The following CDK14 variants were observed in gnomAD, a reference collection of about 807,000 sequenced individuals.
CDK14 encodes the protein cyclin-dependent kinase 14.
Under a neutral mutation model 60.7 loss-of-function variants are expected in CDK14, and 34 were observed. That is an observed-to-expected ratio of 0.56 (90% CI 0.43 to 0.75). The LOEUF (loss-of-function observed/expected upper bound fraction) is 0.75. CDK14 is among the 30% of genes least tolerant of loss of function. CDK14 has a pLI of 0.00. For missense variants in CDK14, 482 were observed against 564.1 expected, an observed-to-expected ratio of 0.85 and a Z score of 1.47; for synonymous variants, 197 against 203.7, an observed-to-expected ratio of 0.97 and a Z score of 0.28.
chr7:90,798,942 C>T (rs1179524699), intron 5 of CDK14, among the ~76,000 whole-genome samples: 1 of 152,170 alleles, frequency 6.6e-6, no homozygotes, highest in Non-Finnish European at 1.5e-5. Context: ...CTGGGAGATA[C>T]AGGAGAGGTT....
At chr7:91,039,132 T>C (rs549100415) in intron 10 of CDK14, among the ~76,000 whole-genome samples, 2 of 152,278 alleles carry the variant, frequency 1.3e-5, no homozygotes, top group South Asian at 4.1e-4. Flanking sequence ...CCCAGTCACT[T>C]TTGAAGTCTC....
chr7:91,139,819 C>A (rs940891765), intron 14 of CDK14, among the ~76,000 whole-genome samples: 5 of 85,388 alleles, frequency 5.9e-5, no homozygotes, highest in African/African-American at 1.7e-4. Context: ...TCTTTCTTTT[C>A]TTTTCTTTCT....
intron 11 of CDK14, among the ~76,000 whole-genome samples, chr7:91,047,284 T>A (rs1468962425): frequency 6.6e-6 from 1 of 152,178 alleles, no homozygotes; most frequent in Non-Finnish European, 1.5e-5. Flanking sequence ...TAAAGTTAGA[T>A]GCAAAAAGGA....
intron 6 of CDK14, among the ~76,000 whole-genome samples, chr7:90,877,891 A>G (rs190019443): frequency 3.3e-5 from 5 of 152,270 alleles, no homozygotes; most frequent in Non-Finnish European, 7.3e-5. Context: ...AAAGGGCAAC[A>G]TGATCATTCT....
At position 90,916,530 on chromosome 7, in the gene CDK14, G is replaced by C. The variant is rs749573165; in HGVS notation, c.703-1071G>C. On this transcript the variant is annotated intron_variant, in intron 7 of 14. Coordinates refer to ENST00000380050, the MANE Select transcript of CDK14 (RefSeq NM_001287135.2). ...GTCAGAACATTCCAGAGATGCCACT[G>C]TCCAGGGCCCTCAGGAAGTTGCCAA... 2.6e-5 allele frequency among the ~76,000 whole-genome samples: 4 copies of C among 152,144 alleles called. 1 individual carries two copies. The highest frequency in any genetic ancestry group is 4.4e-5 in the Non-Finnish European group (3 of 68,024).
intron 9 of CDK14, among the ~76,000 whole-genome samples, chr7:90,961,513 A>G (rs1303773423): frequency 6.6e-6 from 1 of 152,244 alleles, no homozygotes; most frequent in Non-Finnish European, 1.5e-5. Flanking sequence ...AAAGGATAGT[A>G]AGAATGAGAA....
intron 14 of CDK14, among the ~76,000 whole-genome samples, chr7:91,173,048 CCTTT>C (rs1232981749): frequency 2.6e-5 from 4 of 152,148 alleles, no homozygotes; most frequent in Middle Eastern, 3.2e-3. Context: ...TTTCTAATGG[CCTTT>C]CTTCTCCTTT....
chr7:90,982,312 G>A (rs1193968616), intron 9 of CDK14, among the ~76,000 whole-genome samples: 1 of 152,168 alleles, frequency 6.6e-6, no homozygotes, highest in Non-Finnish European at 1.5e-5. Context: ...AGAGTAAATA[G>A]GCGAAGAAGG....
intron 2 of CDK14, among the ~76,000 whole-genome samples, chr7:90,686,809 A>T (rs1388463287): frequency 6.6e-6 from 1 of 152,166 alleles, no homozygotes; most frequent in African/African-American, 2.4e-5. Flanking sequence ...GGGAGAATCA[A>T]TGGAACTTTT....
chr7:90,632,631 G>A (rs976362002), intron 2 of CDK14: 1 of 152,508 alleles, frequency 6.6e-6, no homozygotes, highest in Admixed American at 6.5e-5. Flanking sequence ...TTTTGACACC[G>A]AACCTTTTAG....
chr7:90,602,276 C>T (rs1799332959), intron 1 of CDK14, among the ~76,000 whole-genome samples: 1 of 152,146 alleles, frequency 6.6e-6, no homozygotes, highest in Non-Finnish European at 1.5e-5. Context: ...CCACATAGTG[C>T]GCGTGTTCCA....
At position 90,742,335 on chromosome 7, in the gene CDK14, G is replaced by A. The variant is rs141063971; in HGVS notation, c.370-5346G>A. Among the ~76,000 whole-genome samples, 200 of 152,040 alleles carry A rather than the reference G, an allele frequency of 1.3e-3. 1 individual carries two copies. Among genetic ancestry groups the A allele is most frequent in the African/African-American group, 4.6e-3 (190 of 41,540 alleles). ...GTAATTAATTTTTTCTAGAAAGTAT[G>A]TACTAAATTTTGAATATTTTGGTAT... On this transcript the variant is annotated intron_variant, in intron 3 of 14. Coordinates refer to ENST00000380050, the MANE Select transcript of CDK14 (RefSeq NM_001287135.2).
chr7:91,067,707 G>A (rs2116160235), intron 11 of CDK14, among the ~76,000 whole-genome samples: 1 of 152,266 alleles, frequency 6.6e-6, no homozygotes, highest in Admixed American at 6.5e-5. Context: ...GCCTCACATG[G>A]CATGTTTCAC....
intron 9 of CDK14, among the ~76,000 whole-genome samples, chr7:90,976,886 G>A (rs1450838377): frequency 6.6e-6 from 1 of 152,050 alleles, no homozygotes; most frequent in African/African-American, 2.4e-5. Flanking sequence ...AGTCGGTTGG[G>A]GAGATGGATT....
At chr7:90,635,476 C>G (rs1447684476) in intron 2 of CDK14, among the ~76,000 whole-genome samples, 1 of 152,282 alleles carries the variant, frequency 6.6e-6, no homozygotes, top group South Asian at 2.1e-4. Context: ...GGGCTCTGTT[C>G]TGTTCCATTG....
intron 14 of CDK14, among the ~76,000 whole-genome samples, chr7:91,153,441 T>A (rs1347383191): frequency 1.3e-5 from 2 of 152,180 alleles, no homozygotes; most frequent in Non-Finnish European, 2.9e-5. Context: ...ATATGTTCAT[T>A]GCAGCATTAC....
chr7:91,169,468 G>GT (rs966277683), intron 14 of CDK14, among the ~76,000 whole-genome samples: 1 of 152,030 alleles, frequency 6.6e-6, no homozygotes, highest in Admixed American at 6.5e-5. Context: ...AAATTAAATT[G>GT]TTTTTTTAAA....
chr7:91,097,254 A>C (rs929465973), intron 12 of CDK14, among the ~76,000 whole-genome samples: 6 of 151,850 alleles, frequency 4.0e-5, no homozygotes, highest in African/African-American at 1.2e-4. Context: ...GGCGGCAGGC[A>C]CTTGTAATCC....
chr7:90,837,204 G>A (rs748406653), intron 5 of CDK14, among the ~76,000 whole-genome samples: 5 of 152,054 alleles, frequency 3.3e-5, no homozygotes, highest in Non-Finnish European at 5.9e-5. Context: ...TTGTATAAGA[G>A]AAAGAATCTT....
Sources: gnomAD v4.1 joint callset for allele counts (sites outside exome capture counted in the v4.1 genomes callset) on GRCh38, gnomAD v4.1.1 for gene constraint, MANE v1.5 for transcripts, NCBI Gene and HGNC (gene_info 2026-07-23, HGNC 2026-07-21) for gene names.